The following KIF15 variants were observed in gnomAD, a reference collection of about 807,000 sequenced individuals.
KIF15 encodes the protein kinesin-like protein KIF15.
A neutral mutation model predicts 190.6 loss-of-function variants in KIF15; 140 were observed. The ratio of observed to expected loss-of-function variants is 0.73; its 90% CI spans 0.64 to 0.84. The LOEUF (loss-of-function observed/expected upper bound fraction) is 0.84. KIF15 is among the 40% of genes least tolerant of loss of function. The probability of loss-of-function intolerance (pLI) is 0.00; values close to 1 mark genes in which losing one functional copy is unlikely to be tolerated. For synonymous variants in KIF15, 528 were observed against 551.3 expected (o/e 0.96, Z 0.59); for missense variants, 1,372 against 1,584.4 (o/e 0.87, Z 2.28).
Position 44,814,950 on chromosome 3 carries a change from A to G in KIF15, c.2423A>G (p.His808Arg), listed in dbSNP as rs1413265569. ...SEVHDLRVVLHSADKELSSVK... is the reference protein window; with the variant it reads ...SEVHDLRVVLRSADKELSSVK... ...GTACATGACCTGCGAGTAGTCCTTC[A>G]TTCTGCTGACAAGGAGCTTTCTTCA... Residue 808 changes from histidine to arginine, a missense_variant, in exon 20 of 35, where the codon CAT (histidine) becomes CGT (arginine). By Grantham distance (29) the His-to-Arg change is conservative. Coordinates refer to ENST00000326047, the MANE Select transcript of KIF15 (RefSeq NM_020242.3). 6.2e-7 allele frequency: 1 copy of G among 1,612,134 alleles called. No homozygotes were observed. Among genetic ancestry groups the G allele is most frequent in the Non-Finnish European group, 8.5e-7 (1 of 1,179,438 alleles).
At chr3:44,770,082 A>C (rs1705577536) in intron 1 of KIF15, among the ~76,000 whole-genome samples, 1 of 152,220 alleles carries the variant, frequency 6.6e-6, no homozygotes, top group Non-Finnish European at 1.5e-5. Context: ...TGGTTGGATC[A>C]CAGGCATAAG....
At chr3:44,809,452 A>G (rs566765405) in intron 16 of KIF15, among the ~76,000 whole-genome samples, 1 of 152,170 alleles carries the variant, frequency 6.6e-6, no homozygotes, top group African/African-American at 2.4e-5. Flanking sequence ...TTGACCTTTT[A>G]TCTTTATGAC....
At chr3:44,841,337 C>A in intron 29 of KIF15, 99 bp downstream of exon 29, 2 of 813,918 alleles carry the variant, frequency 2.5e-6, no homozygotes, top group South Asian at 1.8e-5. Context: ...TTGCCTCAGC[C>A]ACCCAGTATC....
intron 32 of KIF15, among the ~76,000 whole-genome samples, chr3:44,851,180 T>C (rs892476516): frequency 2.0e-4 from 31 of 152,260 alleles, no homozygotes; most frequent in Admixed American, 1.6e-3. Context: ...GCAGGAAGAT[T>C]GCTTGAGCCT....
intron 32 of KIF15, 21 bp downstream of exon 32, chr3:44,848,579 T>C: frequency 8.7e-7 from 1 of 1,147,770 alleles, no homozygotes; most frequent in South Asian, 1.5e-5. Flanking sequence ...TATTTTGTAA[T>C]TTAAAATCTT....
chr3:44,837,494 A>C (rs1353805000), intron 26 of KIF15, among the ~76,000 whole-genome samples: 3 of 152,188 alleles, frequency 2.0e-5, no homozygotes, highest in Non-Finnish European at 4.4e-5. Context: ...GAGTGAGTAC[A>C]TGCAGAAATG....
At chr3:44,811,114 TC>T in intron 17 of KIF15, 71 bp downstream of exon 17, 1 of 1,186,992 alleles carries the variant, frequency 8.4e-7, no homozygotes, top group East Asian at 2.4e-5. Flanking sequence ...TTATTTTAAT[TC>T]CCTATAAGTT....
At chr3:44,829,612 T>G (rs1450194117) in intron 24 of KIF15, among the ~76,000 whole-genome samples, 1 of 129,738 alleles carries the variant, frequency 7.7e-6, no homozygotes, top group African/African-American at 3.1e-5. Context: ...GCATATATAT[T>G]ATATATGTAT....
chr3:44,813,021 G>A, intron 18 of KIF15, 54 bp from the exon 19 acceptor site: 2 of 1,010,258 alleles, frequency 2.0e-6, no homozygotes, highest in Non-Finnish European at 3.0e-6. Flanking sequence ...GATTTGGAGT[G>A]CATCTTAGCA....
chr3:44,857,304 G>A (rs376139230), downstream of KIF15, among the ~76,000 whole-genome samples: 9 of 152,160 alleles, frequency 5.9e-5, no homozygotes, highest in East Asian at 9.6e-4. Flanking sequence ...AATAGATTTT[G>A]GAAATTATGA....
intron 32 of KIF15, among the ~76,000 whole-genome samples, chr3:44,849,392 G>A (rs118002554): frequency 0.019 from 2,835 of 152,280 alleles, 76 homozygotes; most frequent in African/African-American, 0.063. Context: ...GGAGGCCGAG[G>A]CAGGTGGATT....
In KIF15 at chr3:44,861,885, C is replaced by T. The variant is rs931010722; in HGVS notation, c.*59+9091C>T. 11 of 1,489,998 alleles carry T rather than the reference C, an allele frequency of 7.4e-6. No homozygotes were observed. The East Asian group carries it at 1.7e-4, about 23-fold the overall frequency. The allele number at this position is 1,489,998 out of a possible 1,614,324, so 92.3% of individuals were successfully genotyped here. On this transcript the variant is annotated intron_variant and NMD_transcript_variant, in intron 6 of 6. Coordinates refer to the KIF15 transcript ENST00000422209. ...ATCCAATCGCGGCGCGCGCTCTGCC[C>T]TGCGGGCAGCGGGTGCCAGGCACGG...
chr3:44,815,118 G>T, intron 20 of KIF15, 42 bp downstream of exon 20: 5 of 1,473,258 alleles, frequency 3.4e-6, no homozygotes, highest in Non-Finnish European at 4.6e-6. Context: ...CTGATTGGCT[G>T]TAACCTACGA....
chr3:44,864,375 C>A (rs761901692), intron 6 of KIF15: 1 of 1,613,182 alleles, frequency 6.2e-7, no homozygotes, highest in Non-Finnish European at 8.5e-7. Context: ...TGCTCTTGTC[C>A]TAAATCTGGG....
intron 1 of KIF15, among the ~76,000 whole-genome samples, chr3:44,763,255 T>C (rs1025787679): frequency 1.3e-5 from 2 of 152,224 alleles, no homozygotes; most frequent in African/African-American, 4.8e-5. Flanking sequence ...AGAGAGCCCG[T>C]GCAGTGGTCT....
intron 20 of KIF15, among the ~76,000 whole-genome samples, chr3:44,821,504 G>A (rs1301337011): frequency 2.6e-5 from 4 of 151,392 alleles, no homozygotes; most frequent in African/African-American, 4.9e-5. Context: ...GGGCAGAGGC[G>A]CTCCCCACAT....
intron 14 of KIF15, among the ~76,000 whole-genome samples, chr3:44,803,294 G>A (rs887703395): frequency 3.3e-5 from 5 of 152,146 alleles, no homozygotes; most frequent in Non-Finnish European, 7.3e-5. Context: ...CCTGTTTAAA[G>A]TATTTGAAAT....
chr3:44,834,031 C>CCTTG (rs1229806736), intron 26 of KIF15, among the ~76,000 whole-genome samples: 2 of 152,092 alleles, frequency 1.3e-5, no homozygotes, highest in African/African-American at 2.4e-5. Flanking sequence ...TTCCTTCCTT[C>CCTTG]CTTGCTTTCT....
intron 6 of KIF15, among the ~76,000 whole-genome samples, chr3:44,861,626 C>T (rs1032385667): frequency 4.6e-5 from 7 of 152,198 alleles, no homozygotes; most frequent in African/African-American, 1.7e-4. Flanking sequence ...ATGGAGACGG[C>T]TAAGCCGCGA....
Sources: allele counts gnomAD v4.1 joint callset (sites outside exome capture counted in the v4.1 genomes callset), GRCh38; gene constraint gnomAD v4.1.1; transcripts MANE v1.5; gene names NCBI Gene and HGNC (gene_info 2026-07-23, HGNC 2026-07-21).